DSCAM: variants seen among roughly 807,000 people sequenced by gnomAD.
DSCAM encodes DS cell adhesion molecule, also known as cell adhesion molecule DSCAM.
DSCAM carries 47 observed loss-of-function variants against 217.7 expected under a neutral mutation model. The observed-to-expected ratio is 0.22, with a 90% confidence interval of 0.17 to 0.28. The LOEUF is 0.28. Among genes scored for constraint, DSCAM ranks in the 10% least tolerant of loss-of-function variants. The pLI is 1.00. For missense variants in DSCAM, 2,080 were observed against 2,618.3 expected, an observed-to-expected ratio of 0.79 and a Z score of 4.49; for synonymous variants, 1,056 against 1,015.3, an observed-to-expected ratio of 1.04 and a Z score of -0.76.
chr21:40,442,283 G>C lies in DSCAM; in HGVS notation c.509-73038C>G, dbSNP rs550671368. Among the ~76,000 whole-genome samples the C allele has an allele frequency of 1.8e-4, 28 of 152,158 alleles. 1 individual carries two copies. Among genetic ancestry groups the C allele is most frequent in the Non-Finnish European group, 3.2e-4 (22 of 68,000 alleles). ...ATACATTTACATGCATATGTGTAGA[G>C]AGAAGTCTGGATGTTGAGGTCAAAA... is the stretch of plus-strand genomic sequence containing the variant. On this transcript the variant is annotated intron_variant, in intron 3 of 32. Coordinates refer to ENST00000400454, the MANE Select transcript of DSCAM (RefSeq NM_001389.5).
intron 18 of DSCAM, among the ~76,000 whole-genome samples, chr21:40,141,113 C>T (rs994184480): frequency 6.6e-6 from 1 of 152,226 alleles, no homozygotes; most frequent in African/African-American, 2.4e-5. Context: ...GCTTGTGCTG[C>T]TCATGTGTCT....
chr21:40,588,282 T>C lies in DSCAM; in HGVS notation c.508+104528A>G, dbSNP rs565944084. Among the ~76,000 whole-genome samples, 3 of 152,300 alleles carry C rather than the reference T, an allele frequency of 2.0e-5. No homozygotes were observed. In the South Asian group the frequency reaches 6.2e-4, roughly 32 times the overall value. On this transcript the variant is annotated intron_variant, in intron 3 of 32. Coordinates refer to ENST00000400454, the MANE Select transcript of DSCAM (RefSeq NM_001389.5). ...CATGGATTTTGGCATTAAAAGGTAATGGCAAACATCACAATTACTTTTGCA... is the reference window on the plus strand; with the variant it reads ...CATGGATTTTGGCATTAAAAGGTAACGGCAAACATCACAATTACTTTTGCA...
chr21:40,111,403 C>G (rs374970280), intron 20 of DSCAM, among the ~76,000 whole-genome samples: 2 of 151,930 alleles, frequency 1.3e-5, no homozygotes, highest in East Asian at 3.9e-4. Flanking sequence ...CCTAAAAGAG[C>G]TCCTAAAGGA....
chr21:40,612,854 C>T (rs1225630954), intron 3 of DSCAM, among the ~76,000 whole-genome samples: 1 of 152,120 alleles, frequency 6.6e-6, no homozygotes, highest in African/African-American at 2.4e-5. Context: ...GAAAACCCTC[C>T]CTGTCTTGGT....
chr21:40,028,596 G>T (rs2088443965), intron 32 of DSCAM, among the ~76,000 whole-genome samples: 1 of 152,132 alleles, frequency 6.6e-6, no homozygotes, highest in Non-Finnish European at 1.5e-5. Flanking sequence ...TATTCGGGTG[G>T]GAGTGACCCG....
At chr21:40,051,411 TCAAA>T (rs1308025618) in intron 30 of DSCAM, among the ~76,000 whole-genome samples, 3 of 152,356 alleles carry the variant, frequency 2.0e-5, no homozygotes, top group East Asian at 1.9e-4. Context: ...ATAATTTTTC[TCAAA>T]CAGTGTGTTC....
At chr21:40,570,285 C>T (rs1370868308) in intron 3 of DSCAM, among the ~76,000 whole-genome samples, 1 of 152,204 alleles carries the variant, frequency 6.6e-6, no homozygotes, top group Non-Finnish European at 1.5e-5. Flanking sequence ...GTGCTGACCC[C>T]ACCTTCACAC....
intron 11 of DSCAM, among the ~76,000 whole-genome samples, chr21:40,235,211 C>A (rs947046610): frequency 2.6e-5 from 4 of 152,106 alleles, no homozygotes; most frequent in Non-Finnish European, 5.9e-5. Context: ...GTCAGGGGGC[C>A]AGATGGTGAC....
chr21:40,498,878 A>G (rs2146032086), intron 3 of DSCAM, among the ~76,000 whole-genome samples: 1 of 148,218 alleles, frequency 6.7e-6, no homozygotes, highest in South Asian at 2.2e-4. Flanking sequence ...GAGAGTAATA[A>G]AACATTCTTA....
At chr21:40,736,036 T>TC (rs1186247244) in intron 1 of DSCAM, among the ~76,000 whole-genome samples, 1 of 152,244 alleles carries the variant, frequency 6.6e-6, no homozygotes, top group African/African-American at 2.4e-5. Flanking sequence ...CCTATGAATC[T>TC]CCCCTTTCAG....
intron 1 of DSCAM, among the ~76,000 whole-genome samples, chr21:40,801,925 T>A (rs2091745404): frequency 6.6e-6 from 1 of 151,958 alleles, no homozygotes; most frequent in Non-Finnish European, 1.5e-5. Context: ...ACTAGAGCAA[T>A]GCTGTATGTA....
At chr21:40,638,896 T>C (rs970863989) in intron 3 of DSCAM, among the ~76,000 whole-genome samples, 40 of 151,952 alleles carry the variant, frequency 2.6e-4, no homozygotes, top group South Asian at 2.1e-3. Context: ...TTTTTAAAAA[T>C]AGAAGGAGGC....
chr21:40,657,314 C>T (rs1376396072), intron 3 of DSCAM, among the ~76,000 whole-genome samples: 1 of 152,124 alleles, frequency 6.6e-6, no homozygotes, highest in Admixed American at 6.5e-5. Flanking sequence ...TTTGAGCTGA[C>T]ACAAGGAATA....
chr21:40,585,419 C>CAAAAAA (rs71186946), intron 3 of DSCAM, among the ~76,000 whole-genome samples: 40 of 86,924 alleles, frequency 4.6e-4, no homozygotes, highest in African/African-American at 1.4e-3. Context: ...GACTCCGTCT[C>CAAAAAA]AAAAAAAAAA....
intron 1 of DSCAM, among the ~76,000 whole-genome samples, chr21:40,809,280 G>C (rs920393398): frequency 6.6e-6 from 1 of 152,174 alleles, no homozygotes; most frequent in South Asian, 2.1e-4. Flanking sequence ...GTCTTGGTGT[G>C]AGTTCTCCAG....
At chr21:40,588,558 G>T (rs185254778) in intron 3 of DSCAM, among the ~76,000 whole-genome samples, 2 of 152,284 alleles carry the variant, frequency 1.3e-5, no homozygotes, top group East Asian at 1.9e-4. Flanking sequence ...TGAAAGCATG[G>T]AGGCTGTTTA....
intron 3 of DSCAM, among the ~76,000 whole-genome samples, chr21:40,534,571 G>A (rs2076480627): frequency 6.6e-6 from 1 of 152,092 alleles, no homozygotes; most frequent in African/African-American, 2.4e-5. Context: ...CAGAACTCTT[G>A]CTTCACTCTG....
chr21:40,445,773 A>T (rs1467945543), intron 3 of DSCAM, among the ~76,000 whole-genome samples: 1 of 152,204 alleles, frequency 6.6e-6, no homozygotes, highest in Non-Finnish European at 1.5e-5. Context: ...CATAGTAACT[A>T]TGGAAATTTG....
intron 1 of DSCAM, among the ~76,000 whole-genome samples, chr21:40,779,838 T>C (rs2091524289): frequency 6.6e-6 from 1 of 152,196 alleles, no homozygotes. Context: ...CACTGCATAG[T>C]GAGCAGAGGG....
Sources: allele counts gnomAD v4.1 joint callset (sites outside exome capture counted in the v4.1 genomes callset), GRCh38; gene constraint gnomAD v4.1.1; transcripts MANE v1.5; gene names NCBI Gene and HGNC (gene_info 2026-07-23, HGNC 2026-07-21).